Variants in PDE1A observed in about 807,000 individuals in gnomAD.
PDE1A encodes phosphodiesterase 1A, also known as dual specificity calcium/calmodulin-dependent 3',5'-cyclic nucleotide phosphodiesterase 1A.
PDE1A carries 35 observed loss-of-function variants against 61.7 expected under a neutral mutation model. The ratio of observed to expected loss-of-function variants is 0.57; its 90% CI spans 0.43 to 0.75. PDE1A has a LOEUF of 0.75. PDE1A is among the 30% of genes least tolerant of loss of function. The pLI, the probability that PDE1A is intolerant of heterozygous loss-of-function variation, is 0.00. For missense variants in PDE1A, 597 were observed against 630.6 expected (o/e 0.95, Z 0.57); for synonymous variants, 232 against 213.2 (o/e 1.09, Z -0.77).
chr2:182,637,431 C>G, the PDE1A span, among the ~76,000 whole-genome samples: 3 of 152,234 alleles, frequency 2.0e-5, no homozygotes, highest in South Asian at 4.1e-4. Flanking sequence ...AGATTAGAAT[C>G]TAAGCATAAG....
At chr2:182,373,820 G>T (rs1463180302) in intron 1 of PDE1A, among the ~76,000 whole-genome samples, 1 of 152,116 alleles carries the variant, frequency 6.6e-6, no homozygotes, top group East Asian at 1.9e-4. Flanking sequence ...ATGCTTGGGG[G>T]AGATATATGA....
chr2:182,295,260 G>A (rs903417107), intron 1 of PDE1A, among the ~76,000 whole-genome samples: 5 of 151,466 alleles, frequency 3.3e-5, no homozygotes, highest in Non-Finnish European at 7.4e-5. Flanking sequence ...ATTTTTAGTA[G>A]AGACGGGGTT....
At chr2:182,672,904 A>C in the PDE1A span, among the ~76,000 whole-genome samples, 1 of 152,176 alleles carries the variant, frequency 6.6e-6, no homozygotes, top group Non-Finnish European at 1.5e-5. Flanking sequence ...TTCCTACCTC[A>C]GATTGAGAAT....
intron 1 of PDE1A, among the ~76,000 whole-genome samples, chr2:182,333,122 A>C (rs761282300): frequency 1.3e-5 from 2 of 152,178 alleles, no homozygotes; most frequent in Non-Finnish European, 2.9e-5. Flanking sequence ...CTCCCACACA[A>C]TAATAGTGGG....
intron 1 of PDE1A, among the ~76,000 whole-genome samples, chr2:182,305,210 C>T (rs1002630794): frequency 2.0e-5 from 3 of 151,960 alleles, no homozygotes; most frequent in African/African-American, 7.2e-5. Flanking sequence ...AAATTCAAAT[C>T]TTTTTTTCAG....
the PDE1A span, among the ~76,000 whole-genome samples, chr2:182,672,332 T>C: frequency 6.6e-6 from 1 of 152,228 alleles, no homozygotes; most frequent in East Asian, 1.9e-4. Context: ...AGTGTTACTT[T>C]ACCATTACTT....
intron 1 of PDE1A, among the ~76,000 whole-genome samples, chr2:182,383,036 C>A (rs1164269990): frequency 6.6e-6 from 1 of 151,990 alleles, no homozygotes; most frequent in Non-Finnish European, 1.5e-5. Flanking sequence ...AATTAAATAT[C>A]TCCCTCATTC....
chr2:182,286,666 G>T (rs1158405728), intron 1 of PDE1A, among the ~76,000 whole-genome samples: 2 of 152,102 alleles, frequency 1.3e-5, no homozygotes, highest in East Asian at 3.9e-4. Flanking sequence ...GAAAGAACAT[G>T]GATGGTTGTA....
rs73032416 is a variant in PDE1A at position 182,263,904 on chromosome 2, A to G, written c.167+397T>C. Among the ~76,000 whole-genome samples, 1,291 of 152,314 alleles carry G rather than the reference A, an allele frequency of 8.5e-3. 13 individuals are homozygous for G. Among genetic ancestry groups the G allele is most frequent in the African/African-American group, 0.029 (1,193 of 41,572 alleles). On this transcript the variant is annotated intron_variant, in intron 2 of 13. Coordinates refer to ENST00000351439, the Ensembl canonical transcript of PDE1A. ...ACATCTCATGAGAATGTGTGGGCAT[A>G]TAACACCCATTTTCCTAAAGGGACT...
At chr2:182,398,578 C>A (rs1288766169) in intron 1 of PDE1A, among the ~76,000 whole-genome samples, 1 of 151,914 alleles carries the variant, frequency 6.6e-6, no homozygotes, top group Non-Finnish European at 1.5e-5. Context: ...TCAGCATCCT[C>A]AATTGAATTA....
chr2:182,690,481 G>C, the PDE1A span, among the ~76,000 whole-genome samples: 87,780 of 151,442 alleles, frequency 0.58, 26,059 homozygotes, highest in Middle Eastern at 0.71. Flanking sequence ...AGTCAACAGC[G>C]CTTCATGCTA....
the PDE1A span, among the ~76,000 whole-genome samples, chr2:182,623,615 T>C: frequency 6.6e-6 from 1 of 152,024 alleles, no homozygotes; most frequent in Non-Finnish European, 1.5e-5. Flanking sequence ...CGAAGACATG[T>C]AGATATAAAG....
chr2:182,426,954 C>T, exon 1 of PDE1A: 3 of 1,057,434 alleles, frequency 2.8e-6, no homozygotes, highest in East Asian at 7.2e-5. Context: ...AAACTTCCTA[C>T]CCCAGTGTCA....
chr2:182,426,908 G>A (rs1186119139), exon 1 of PDE1A: 13 of 1,211,758 alleles, frequency 1.1e-5, no homozygotes, highest in Non-Finnish European at 1.3e-5. Flanking sequence ...CAAGAGAAGT[G>A]CACGGGACCC....
the PDE1A span, among the ~76,000 whole-genome samples, chr2:182,613,461 G>T: frequency 6.6e-6 from 1 of 151,912 alleles, no homozygotes; most frequent in East Asian, 1.9e-4. Flanking sequence ...TACTTCGGAG[G>T]CTGAGGCAGG....
the PDE1A span, among the ~76,000 whole-genome samples, chr2:182,545,005 C>T: frequency 1.3e-5 from 2 of 152,022 alleles, no homozygotes; most frequent in African/African-American, 4.8e-5. Flanking sequence ...AAATAAATAC[C>T]GGTCTTACTG....
chr2:182,631,311 C>A, the PDE1A span, among the ~76,000 whole-genome samples: 91 of 151,240 alleles, frequency 6.0e-4, no homozygotes, highest in Admixed American at 2.6e-3. Context: ...TTAATTTATT[C>A]ATTTATTATT....
downstream of PDE1A, among the ~76,000 whole-genome samples, chr2:182,166,412 G>A (rs1691655786): frequency 6.6e-6 from 1 of 152,144 alleles, no homozygotes; most frequent in African/African-American, 2.4e-5. Flanking sequence ...TCACAGAAGG[G>A]GCTGTTTATC....
the PDE1A span, among the ~76,000 whole-genome samples, chr2:182,550,727 G>T: frequency 6.6e-6 from 1 of 152,134 alleles, no homozygotes. Flanking sequence ...AAAGATCAAT[G>T]AGTGTGTTTG....
Sources: gnomAD v4.1 joint callset for allele counts (sites outside exome capture counted in the v4.1 genomes callset) on GRCh38, gnomAD v4.1.1 for gene constraint, MANE v1.5 for transcripts, NCBI Gene and HGNC (gene_info 2026-07-23, HGNC 2026-07-21) for gene names.